Variants in NINL observed in about 807,000 individuals in gnomAD.
NINL encodes the protein ninein like.
A neutral mutation model predicts 160.3 loss-of-function variants in NINL; 153 were observed. That is an observed-to-expected ratio of 0.95 (90% CI 0.84 to 1.09). NINL has a LOEUF of 1.09. Among genes scored for constraint, NINL ranks in the 50% least tolerant of loss-of-function variants. The probability of loss-of-function intolerance (pLI) is 0.00; values close to 1 mark genes in which losing one functional copy is unlikely to be tolerated. For missense variants in NINL, 1,829 were observed against 1,764.0 expected (o/e 1.04, Z -0.66); for synonymous variants, 800 against 734.8 (o/e 1.09, Z -1.43).
chr20:25,542,539 T>C (rs2064679620), intron 1 of NINL, among the ~76,000 whole-genome samples: 3 of 141,824 alleles, frequency 2.1e-5, no homozygotes, highest in African/African-American at 7.9e-5. Flanking sequence ...AAAAAGAATA[T>C]TCTTAAAGAG....
At position 25,476,081 on chromosome 20, in the gene NINL, C is replaced by T. The variant is rs376698785; in HGVS notation, c.3210G>A (p.Arg1070=). The part of the protein sequence containing the change: ...TKLLHLEDVV[R]ALEKHVDLRE... ...TCAAATCTACATGTTTCTCCAGAGC[C>T]CGGACGACGTCTTCCAGATGTAGAA... Residue 1070 remains arginine (R), a synonymous_variant, in exon 17 of 24, where the codon CGG becomes CGA. Transcript: ENST00000278886. The T allele has an allele frequency of 6.2e-7, 1 of 1,613,804 alleles. No individual in the cohort carries two copies. The highest frequency in any genetic ancestry group is 8.5e-7 in the Non-Finnish European group (1 of 1,179,790).
At chr20:25,500,803 G>A in intron 8 of NINL, 37 bp downstream of exon 8, 3 of 1,595,666 alleles carry the variant, frequency 1.9e-6, no homozygotes, top group South Asian at 1.1e-5. Context: ...GGCCCCCCAG[G>A]TCCCCTGTCC....
intron 1 of NINL, among the ~76,000 whole-genome samples, chr20:25,552,732 C>T (rs2064820279): frequency 1.3e-5 from 2 of 152,188 alleles, no homozygotes; most frequent in South Asian, 4.1e-4. Context: ...AGGCTATGTC[C>T]AGGAGAGAAA....
At chr20:25,536,167 T>C (rs1459061921) in intron 1 of NINL, among the ~76,000 whole-genome samples, 1 of 152,046 alleles carries the variant, frequency 6.6e-6, no homozygotes, top group African/African-American at 2.4e-5. Context: ...CAAGAGACTA[T>C]ATAACCCACG....
chr20:25,467,481 AG>A, intron 18 of NINL, 23 bp from the exon 19 acceptor site: 1 of 1,592,044 alleles, frequency 6.3e-7, no homozygotes, highest in Non-Finnish European at 8.6e-7. Context: ...CACAATTAAC[AG>A]TGATACCACT....
chr20:25,464,169 T>C (rs408853), intron 19 of NINL, among the ~76,000 whole-genome samples: 69,027 of 151,988 alleles, frequency 0.45, 16,282 homozygotes, highest in East Asian at 0.92. Flanking sequence ...GTAATACCAG[T>C]GCTTTGGGAG....
chr20:25,549,399 C>T (rs1424564478), intron 1 of NINL, among the ~76,000 whole-genome samples: 1 of 151,470 alleles, frequency 6.6e-6, no homozygotes, highest in African/African-American at 2.4e-5. Flanking sequence ...CCCAGCCTCA[C>T]CCAGGGCTGG....
rs2063853270 is a variant in NINL at position 25,500,858 on chromosome 20, A to G, written c.1014T>C (p.Asn338=). Residue 338 remains asparagine (N), a synonymous_variant, in exon 8 of 24, where the codon AAT becomes AAC. Coordinates refer to ENST00000278886, the MANE Select transcript of NINL (RefSeq NM_025176.6). Reference sequence around the variant, plus strand: ...TCCAAACCTGCAAGATCTCCCTGCCATTCTGAATCCCCTCCTGGGTCCACA... The same window carrying G: ...TCCAAACCTGCAAGATCTCCCTGCCGTTCTGAATCCCCTCCTGGGTCCACA... ...LAMWTQEGIQ[N]GREILQSLDF... 6 of 1,613,900 alleles carry G rather than the reference A, an allele frequency of 3.7e-6. No homozygotes were observed. Among genetic ancestry groups the G allele is most frequent in the Non-Finnish European group, 4.2e-6 (5 of 1,179,952 alleles).
chr20:25,572,623 A>G (rs2065066890), intron 1 of NINL, among the ~76,000 whole-genome samples: 1 of 152,166 alleles, frequency 6.6e-6, no homozygotes, highest in African/African-American at 2.4e-5. Flanking sequence ...AGTGAGTGAT[A>G]ACGCCAGAGT....
rs2063567969 is a variant in NINL, at chr20:25,489,228, C to T, written c.1677+16G>A. 6.2e-7 allele frequency: 1 copy of T among 1,613,448 alleles called. No homozygotes were observed. Among genetic ancestry groups the T allele is most frequent in the South Asian group, 1.1e-5 (1 of 91,072 alleles). ...CCTGGACATGAGACTAAAAGGCAGA[C>T]AGAGCAGGCACGTACCCGGCACTTG... is the stretch of plus-strand genomic sequence containing the variant. On this transcript the variant is annotated intron_variant, in intron 13 of 23. Coordinates refer to ENST00000278886, the MANE Select transcript of NINL (RefSeq NM_025176.6).
intron 2 of NINL, among the ~76,000 whole-genome samples, chr20:25,518,391 C>G (rs944919018): frequency 6.6e-6 from 1 of 152,074 alleles, no homozygotes; most frequent in Non-Finnish European, 1.5e-5. Context: ...TTGGCACATT[C>G]CCTTGGTGAA....
At chr20:25,560,182 T>C (rs1055668162) in intron 1 of NINL, among the ~76,000 whole-genome samples, 4 of 152,142 alleles carry the variant, frequency 2.6e-5, no homozygotes, top group African/African-American at 7.2e-5. Context: ...GGCCTTGGCC[T>C]CAGGCAATTC....
intron 1 of NINL, among the ~76,000 whole-genome samples, chr20:25,554,636 C>CAAAACAAAACAAAAAAAAA (rs1195606239): frequency 2.2e-3 from 186 of 85,674 alleles, no homozygotes; most frequent in African/African-American, 3.6e-3. Context: ...AAAAAAAAAA[C>CAAAACAAAACAAAAAAAAA]AAAAAAAAAA....
chr20:25,558,213 CTTTA>C (rs1233557839), intron 1 of NINL, among the ~76,000 whole-genome samples: 2 of 152,060 alleles, frequency 1.3e-5, no homozygotes, highest in South Asian at 2.1e-4. Flanking sequence ...TTATTTATTT[CTTTA>C]TTTATTTTGA....
At chr20:25,506,890 T>C (rs2063972557) in intron 5 of NINL, among the ~76,000 whole-genome samples, 1 of 152,204 alleles carries the variant, frequency 6.6e-6, no homozygotes, top group Non-Finnish European at 1.5e-5. Context: ...TTCATATCTC[T>C]AGAAAAAATA....
At chr20:25,574,896 T>A (rs1468797813) in intron 1 of NINL, among the ~76,000 whole-genome samples, 1 of 152,062 alleles carries the variant, frequency 6.6e-6, no homozygotes, top group Non-Finnish European at 1.5e-5. Context: ...CAGTATTTCA[T>A]CAAATTTGAG....
chr20:25,512,624 C>G (rs1188950174), intron 4 of NINL, among the ~76,000 whole-genome samples: 1 of 152,186 alleles, frequency 6.6e-6, no homozygotes, highest in Non-Finnish European at 1.5e-5. Context: ...CAGGAGAGAA[C>G]CCTGTGTCCA....
rs765859831 is a variant in NINL at position 25,476,634 on chromosome 20, T to C, written c.2657A>G (p.Glu886Gly). ...GPRRRQAQDT[E>G]ATQSPAPAPA... ...GGCGGGGGCCGGGCTCTGCGTAGCT[T>C]CTGTGTCCTGGGCTTGCCTGCGGCG... Residue 886 changes from glutamate to glycine, a missense_variant, in exon 17 of 24, where the codon GAA (glutamate) becomes GGA (glycine). Coordinates refer to ENST00000278886, the MANE Select transcript of NINL (RefSeq NM_025176.6). The C allele has an allele frequency of 3.8e-6, 6 of 1,592,252 alleles. No homozygotes were observed. The highest frequency in any genetic ancestry group is 5.1e-6 in the Non-Finnish European group (6 of 1,175,902).
chr20:25,494,275 G>C (rs960112057), intron 10 of NINL, among the ~76,000 whole-genome samples: 2 of 146,550 alleles, frequency 1.4e-5, no homozygotes, highest in African/African-American at 5.1e-5. Flanking sequence ...TCTAGTCCCG[G>C]AACACTCACA....
Sources: allele counts gnomAD v4.1 joint callset (sites outside exome capture counted in the v4.1 genomes callset), GRCh38; gene constraint gnomAD v4.1.1; transcripts MANE v1.5; gene names NCBI Gene and HGNC (gene_info 2026-07-23, HGNC 2026-07-21).